Variants in RAB30 observed in about 807,000 individuals in gnomAD.
RAB30 encodes RAB30, member RAS oncogene family, also known as ras-related protein Rab-30.
A neutral mutation model predicts 25.1 loss-of-function variants in RAB30; 9 were observed. That is an observed-to-expected ratio of 0.36 (90% CI 0.22 to 0.63). The LOEUF is 0.63. Ranked by LOEUF, RAB30 falls within the 20% of genes least tolerant of loss-of-function variation. The pLI is 0.69. For synonymous variants in RAB30, 77 were observed against 86.4 expected (o/e 0.89, Z 0.60); for missense variants, 140 against 243.5 (o/e 0.58, Z 2.83).
intron 1 of RAB30, among the ~76,000 whole-genome samples, chr11:83,046,410 G>A (rs1858234262): frequency 6.6e-6 from 1 of 152,168 alleles, no homozygotes; most frequent in Admixed American, 6.5e-5. Context: ...TAAAATGAAG[G>A]GAATCTATTA....
chr11:83,043,271 A>G (rs1039887798), intron 1 of RAB30, among the ~76,000 whole-genome samples: 6 of 152,190 alleles, frequency 3.9e-5, no homozygotes, highest in Non-Finnish European at 8.8e-5. Context: ...AGCAAAGAAA[A>G]GCCATCCAAA....
chr11:83,009,660 G>A (rs1857262382), intron 1 of RAB30, among the ~76,000 whole-genome samples: 1 of 151,872 alleles, frequency 6.6e-6, no homozygotes, highest in African/African-American at 2.4e-5. Context: ...AGACCAGAGA[G>A]GTCCAAACTT....
chr11:83,018,028 T>C (rs527774032), intron 1 of RAB30, among the ~76,000 whole-genome samples: 1 of 152,324 alleles, frequency 6.6e-6, no homozygotes, highest in East Asian at 1.9e-4. Flanking sequence ...CCACTGGGCA[T>C]GGTGGCTCAC....
At chr11:83,021,015 C>G (rs1280696341) in intron 1 of RAB30, among the ~76,000 whole-genome samples, 1 of 152,150 alleles carries the variant, frequency 6.6e-6, no homozygotes, top group African/African-American at 2.4e-5. Context: ...GAGAACTGAA[C>G]ACTTGTTGGG....
chr11:83,018,011 T>C (rs980092808), intron 1 of RAB30, among the ~76,000 whole-genome samples: 2 of 152,204 alleles, frequency 1.3e-5, no homozygotes, highest in Admixed American at 1.3e-4. Context: ...TAAAAGTGTT[T>C]CATTTTCCAC....
intron 1 of RAB30, among the ~76,000 whole-genome samples, chr11:83,052,650 G>A (rs573460611): frequency 6.6e-6 from 1 of 152,324 alleles, no homozygotes; most frequent in East Asian, 1.9e-4. Flanking sequence ...AGGAGCCTGA[G>A]GCAGCAGATT....
At chr11:83,049,584 A>C (rs1261840023) in intron 1 of RAB30, among the ~76,000 whole-genome samples, 1 of 151,708 alleles carries the variant, frequency 6.6e-6, no homozygotes, top group Non-Finnish European at 1.5e-5. Context: ...GGGCTCAAGC[A>C]ATCTTCTCAT....
intron 1 of RAB30, among the ~76,000 whole-genome samples, chr11:83,049,638 T>C (rs1330141714): frequency 6.6e-6 from 1 of 151,776 alleles, no homozygotes; most frequent in Admixed American, 6.6e-5. Context: ...TACGCCACCA[T>C]GCCTGGTTAA....
At chr11:83,028,104 G>A (rs887826765) in intron 1 of RAB30, among the ~76,000 whole-genome samples, 12 of 151,938 alleles carry the variant, frequency 7.9e-5, no homozygotes, top group African/African-American at 1.9e-4. Flanking sequence ...ATGCAAGGGC[G>A]GAAATACCAT....
chr11:83,061,196 T>A (rs534165826), intron 1 of RAB30, among the ~76,000 whole-genome samples: 5 of 152,258 alleles, frequency 3.3e-5, no homozygotes, highest in Admixed American at 2.0e-4. Context: ...CCTATCGCCC[T>A]AACAAATCTC....
At chr11:83,007,854 T>C (rs1366030847) in intron 1 of RAB30, among the ~76,000 whole-genome samples, 1 of 152,226 alleles carries the variant, frequency 6.6e-6, no homozygotes, top group Non-Finnish European at 1.5e-5. Context: ...AGTTGGAGAC[T>C]TCTGTCTGCA....
chr11:83,069,087 A>C (rs1858771910), intron 1 of RAB30, among the ~76,000 whole-genome samples: 1 of 152,358 alleles, frequency 6.6e-6, no homozygotes, highest in Admixed American at 6.5e-5. Context: ...CCAAAGAGCA[A>C]GGATCATTAT....
At chr11:83,014,762 GAGAA>G (rs1217773083) in intron 1 of RAB30, among the ~76,000 whole-genome samples, 62 of 149,814 alleles carry the variant, frequency 4.1e-4, no homozygotes, top group African/African-American at 1.3e-3. Flanking sequence ...ATGAAAGAGA[GAGAA>G]AGAAAGAGAA....
Position 83,035,166 on chromosome 11 carries a change from A to T in RAB30, c.-9+36525T>A, listed in dbSNP as rs7929239. 4.6e-3 allele frequency among the ~76,000 whole-genome samples: 693 copies of T among 151,828 alleles called. 9 individuals are homozygous for T. Among genetic ancestry groups the T allele is most frequent in the African/African-American group, 0.016 (655 of 41,350 alleles). On this transcript the variant is annotated intron_variant, in intron 1 of 4. Coordinates refer to ENST00000527633, the MANE Select transcript of RAB30 (RefSeq NM_001286060.2). ...ATAATTTGATCAAGGTCACTGCATC[A>T]CCAGGATTGGAACCCAGGTCTACCT... is the stretch of plus-strand genomic sequence containing the variant.
chr11:83,028,946 C>T (rs1232478748), intron 1 of RAB30, among the ~76,000 whole-genome samples: 1 of 152,060 alleles, frequency 6.6e-6, no homozygotes, highest in Non-Finnish European at 1.5e-5. Context: ...ATCACTTGAG[C>T]CCAAGAGTTC....
At chr11:83,027,570 C>T (rs889438139) in intron 1 of RAB30, among the ~76,000 whole-genome samples, 4 of 152,148 alleles carry the variant, frequency 2.6e-5, no homozygotes, top group African/African-American at 7.2e-5. Context: ...TATCTCCATT[C>T]TGTATTCAGA....
intron 2 of RAB30, among the ~76,000 whole-genome samples, chr11:82,994,963 A>G (rs1172960037): frequency 6.6e-6 from 1 of 152,216 alleles, no homozygotes; most frequent in Non-Finnish European, 1.5e-5. Flanking sequence ...ACAAATAAAC[A>G]AAATGCTTTA....
At position 82,974,068 on chromosome 11, in the gene RAB30, A is replaced by G. The variant is rs1188810386; in HGVS notation, c.*8097T>C. On this transcript the variant is annotated 3_prime_UTR_variant, in exon 5 of 5. Coordinates refer to ENST00000527633, the MANE Select transcript of RAB30 (RefSeq NM_001286060.2). The stretch of plus-strand genomic sequence containing the variant: ...AGGCAAATTCATAGGGACAGAAAGT[A>G]GATTAGTGGTTGCCGGATGCTGGGG... The G allele has an allele frequency of 6.6e-6, 1 of 152,212 alleles. No homozygotes were observed. Among genetic ancestry groups the G allele is most frequent in the African/African-American group, 2.4e-5 (1 of 41,442 alleles). 9.4% of individuals were successfully genotyped at this position (152,212 alleles called of 1,614,324 possible). A position where few individuals can be genotyped will look rare whatever the true frequency, so the allele number is the denominator to read the frequency against.
At chr11:83,030,689 C>T (rs913612928) in intron 1 of RAB30, among the ~76,000 whole-genome samples, 2 of 151,572 alleles carry the variant, frequency 1.3e-5, no homozygotes, top group South Asian at 4.2e-4. Flanking sequence ...CCCAGCTACT[C>T]AGGAGGCTGA....
Sources: gnomAD v4.1 joint callset for allele counts (sites outside exome capture counted in the v4.1 genomes callset) on GRCh38, gnomAD v4.1.1 for gene constraint, MANE v1.5 for transcripts, NCBI Gene and HGNC (gene_info 2026-07-23, HGNC 2026-07-21) for gene names.